The following SLFN5 variants were observed in gnomAD, a reference collection of about 807,000 sequenced individuals.
The protein encoded by SLFN5 is schlafen family member 5.
A neutral mutation model predicts 48.5 loss-of-function variants in SLFN5; 34 were observed. The observed-to-expected ratio is 0.70, with a 90% CI of 0.53 to 0.93. The LOEUF (loss-of-function observed/expected upper bound fraction) is 0.93, where lower values mean the gene tolerates loss of function less well. SLFN5 is among the 40% of genes least tolerant of loss of function. The pLI, the probability that SLFN5 is intolerant of heterozygous loss-of-function variation, is 0.00. For synonymous variants in SLFN5, 387 were observed against 396.2 expected, an observed-to-expected ratio of 0.98 and a Z score of 0.28; for missense variants, 1,006 against 1,071.3, an observed-to-expected ratio of 0.94 and a Z score of 0.85.
intron 1 of SLFN5, among the ~76,000 whole-genome samples, chr17:35,247,358 G>A (rs2092433210): frequency 6.6e-6 from 1 of 152,162 alleles, no homozygotes; most frequent in African/African-American, 2.4e-5. Context: ...CCTCGTTATA[G>A]TGAGCTCTGA....
intron 1 of SLFN5, among the ~76,000 whole-genome samples, chr17:35,249,587 A>G (rs1851893335): frequency 6.6e-6 from 1 of 152,248 alleles, no homozygotes; most frequent in South Asian, 2.1e-4. Flanking sequence ...AGGTATTTCA[A>G]GTAACCCACA....
At position 35,264,570 on chromosome 17, in the gene SLFN5, C is replaced by A. The variant is rs755184137; in HGVS notation, c.1526C>A (p.Ser509Ter). Residue 509 changes from serine to a stop codon, truncating the protein, a stop_gained, in exon 4 of 5, where the codon TCG becomes TAG. Coordinates refer to ENST00000299977, the MANE Select transcript of SLFN5 (RefSeq NM_144975.4). LOFTEE classifies it high-confidence loss of function. Reference sequence around the variant, plus strand: ...AGAAAAGCACAGAGCGTTTACAGTTCGTATTTACAAATTTACCCTGAATCC... The same window carrying A: ...AGAAAAGCACAGAGCGTTTACAGTTAGTATTTACAAATTTACCCTGAATCC... ...SDRKAQSVYSSYLQIYPESYN... is the reference protein window; with the variant it reads ...SDRKAQSVYS The A allele has an allele frequency of 6.2e-7, 1 of 1,614,022 alleles. No individual in the cohort carries two copies. Among genetic ancestry groups the A allele is most frequent in the South Asian group, 1.1e-5 (1 of 91,064 alleles).
intron 4 of SLFN5, 79 bp from the exon 5 acceptor site, chr17:35,264,993 T>TA: frequency 6.5e-7 from 1 of 1,542,100 alleles, no homozygotes; most frequent in Non-Finnish European, 8.7e-7. Flanking sequence ...ATATTGTATT[T>TA]ACCATGACCA....
intron 1 of SLFN5, among the ~76,000 whole-genome samples, chr17:35,246,970 G>C (rs1033721804): frequency 6.6e-6 from 1 of 152,084 alleles, no homozygotes; most frequent in African/African-American, 2.4e-5. Flanking sequence ...ATGGTTGACA[G>C]GCTAAATATA....
At chr17:35,254,479 G>C (rs2092450091) in intron 1 of SLFN5, among the ~76,000 whole-genome samples, 4 of 152,322 alleles carry the variant, frequency 2.6e-5, no homozygotes, top group African/African-American at 7.2e-5. Context: ...GCAGGGGGCA[G>C]GGCAAAGACA....
chr17:35,262,395 A>G (rs920829377), intron 3 of SLFN5, among the ~76,000 whole-genome samples: 19 of 151,504 alleles, frequency 1.3e-4, no homozygotes, highest in Non-Finnish European at 2.8e-4. Flanking sequence ...AAAAAAAAAA[A>G]GAAAAGGAAA....
In SLFN5 at chr17:35,265,120, G is replaced by T. The variant is rs748315647; in HGVS notation, c.1908G>T (p.Met636Ile). The change falls in exon 5 of 5, where the codon ATG (methionine) becomes ATT (isoleucine). Residue 636 changes from methionine to isoleucine, a missense_variant. Coordinates refer to ENST00000299977, the MANE Select transcript of SLFN5 (RefSeq NM_144975.4). ...AGCCAGTGACCCGGAAAACCTTCAT[G>T]AAAAACAACTTTGAACACATCCAGC... ...ICQPVTRKTF[M>I]KNNFEHIQHI... 2 of 1,613,614 alleles carry T rather than the reference G, an allele frequency of 1.2e-6. No homozygotes were observed. Among genetic ancestry groups the T allele is most frequent in the South Asian group, 1.1e-5 (1 of 90,808 alleles).
At chr17:35,245,614 C>G (rs1335932063) in intron 1 of SLFN5, among the ~76,000 whole-genome samples, 1 of 152,142 alleles carries the variant, frequency 6.6e-6, no homozygotes, top group Non-Finnish European at 1.5e-5. Context: ...GCTTCTGTCA[C>G]TCAGCATCAT....
intron 1 of SLFN5, among the ~76,000 whole-genome samples, chr17:35,256,508 C>CT (rs367715526): frequency 2.0e-4 from 30 of 148,974 alleles, no homozygotes; most frequent in Middle Eastern, 3.4e-3. Flanking sequence ...AGGATATCTG[C>CT]TTTTTTTTTT....
At chr17:35,260,443 G>T (rs1304272296) in intron 2 of SLFN5, among the ~76,000 whole-genome samples, 1 of 152,186 alleles carries the variant, frequency 6.6e-6, no homozygotes, top group African/African-American at 2.4e-5. Flanking sequence ...TATAAAAACA[G>T]TCTGGGCACG....
intron 1 of SLFN5, 136 bp from the exon 2 acceptor site, chr17:35,258,515 T>C (rs2142697917): frequency 1.6e-6 from 1 of 644,382 alleles, no homozygotes; most frequent in Middle Eastern, 4.3e-4. Flanking sequence ...CAAGATGAGA[T>C]TTGGGTGGGG....
chr17:35,265,687 G>A lies in SLFN5; in HGVS notation c.2475G>A (p.Leu825=). Residue 825 remains leucine, a synonymous_variant, in exon 5 of 5, where the codon CTG becomes CTA. Coordinates refer to ENST00000299977, the MANE Select transcript of SLFN5 (RefSeq NM_144975.4). Reference sequence around the variant, plus strand: ...CTCAGCTCCATGAGGAGTCTGATCTGTTACTACAGATCGGTGATGCGTCGG... The same window carrying A: ...CTCAGCTCCATGAGGAGTCTGATCTATTACTACAGATCGGTGATGCGTCGG... ...KLSQLHEESD[L]LLQIGDASDV... 1 of 1,614,224 alleles carries A rather than the reference G, an allele frequency of 6.2e-7. No individual in the cohort carries two copies. The highest frequency in any genetic ancestry group is 8.5e-7 in the Non-Finnish European group (1 of 1,180,050).
At position 35,266,065 on chromosome 17, in the gene SLFN5, G is replaced by A. The variant is rs1353260271; in HGVS notation, c.*177G>A. The A allele has an allele frequency of 1.6e-6, 1 of 639,060 alleles. No homozygotes were observed. Among genetic ancestry groups the A allele is most frequent in the East Asian group, 2.8e-5 (1 of 35,566 alleles). The allele number at this position is 639,060 out of a possible 1,614,324, so 39.6% of individuals were successfully genotyped here. A position where few individuals can be genotyped will look rare whatever the true frequency, so the allele number is the denominator to read the frequency against. On this transcript the variant is annotated 3_prime_UTR_variant, in exon 5 of 5. Coordinates refer to ENST00000299977, the MANE Select transcript of SLFN5 (RefSeq NM_144975.4). ...TCCTTTAGGGCAGAGACAGACCACT[G>A]ACAAATACACAGATAGACAAGGAAT...
At chr17:35,243,849 T>C (rs908588313) in intron 1 of SLFN5, among the ~76,000 whole-genome samples, 1 of 152,172 alleles carries the variant, frequency 6.6e-6, no homozygotes, top group African/African-American at 2.4e-5. Flanking sequence ...ACACAGATGC[T>C]TGGAGACAGA....
At chr17:35,246,475 A>G (rs1372187979) in intron 1 of SLFN5, among the ~76,000 whole-genome samples, 1 of 152,202 alleles carries the variant, frequency 6.6e-6, no homozygotes, top group Non-Finnish European at 1.5e-5. Context: ...CTCCTCTGAC[A>G]GGCTGGGGCT....
In SLFN5 at chr17:35,261,101, T is replaced by A. The variant is rs1904507705; in HGVS notation, c.1138+5T>A. 6.2e-7 allele frequency: 1 copy of A among 1,612,608 alleles called. No individual in the cohort carries two copies. The highest frequency in any genetic ancestry group is 1.3e-5 in the African/African-American group (1 of 74,906). The stretch of plus-strand genomic sequence containing the variant: ...AGCAGAAACGCTACTTTCCAGGTAA[T>A]TGGCCATCTCTGGTTGCTTTGGAAT... On this transcript the variant is annotated splice_donor_5th_base_variant and intron_variant, in intron 3 of 4. Transcript: ENST00000299977.
At position 35,267,574 on chromosome 17, in the gene SLFN5, G is replaced by A. The variant is rs1471928659; in HGVS notation, c.*1686G>A. 6.6e-6 allele frequency: 1 copy of A among 152,020 alleles called. No individual in the cohort carries two copies. Among genetic ancestry groups the A allele is most frequent in the Non-Finnish European group, 1.5e-5 (1 of 68,092 alleles). 9.4% of individuals were successfully genotyped at this position (152,020 alleles called of 1,614,324 possible). ...ACAAATAAATAAATAAATAAAATTA[G>A]CTGGGAATGGTGATGCACACCTGGA... On this transcript the variant is annotated 3_prime_UTR_variant, in exon 5 of 5. Transcript: ENST00000299977.
chr17:35,271,786 T>C lies in SLFN5; in HGVS notation c.*5898T>C, dbSNP rs1904836972. On this transcript the variant is annotated 3_prime_UTR_variant, in exon 5 of 5. Transcript: ENST00000299977. ...GGCTCACTCCTGTAATCCCAGCACT[T>C]TGAGAGGCCGAGGCAGGTGGATTGC... The C allele has an allele frequency of 6.6e-6, 1 of 152,222 alleles. No individual in the cohort carries two copies. Among genetic ancestry groups the C allele is most frequent in the Non-Finnish European group, 1.5e-5 (1 of 68,044 alleles). 9.4% of individuals were successfully genotyped at this position (152,222 alleles called of 1,614,324 possible). A position where few individuals can be genotyped will look rare whatever the true frequency, so the allele number is the denominator to read the frequency against.
At chr17:35,246,770 G>C (rs148853441) in intron 1 of SLFN5, among the ~76,000 whole-genome samples, 1 of 151,498 alleles carries the variant, frequency 6.6e-6, no homozygotes, top group African/African-American at 2.4e-5. Flanking sequence ...CAGGAGAATC[G>C]CTTGAACCCA....
Sources: allele counts gnomAD v4.1 joint callset (sites outside exome capture counted in the v4.1 genomes callset), GRCh38; gene constraint gnomAD v4.1.1; transcripts MANE v1.5; gene names NCBI Gene and HGNC (gene_info 2026-07-23, HGNC 2026-07-21).